The following RPS6KA1 variants were observed in gnomAD, a reference collection of about 807,000 sequenced individuals.
The protein encoded by RPS6KA1 is ribosomal protein S6 kinase alpha-1.
In RPS6KA1, 48 loss-of-function variants were observed where a neutral mutation model predicts 91.3. That is an observed-to-expected ratio of 0.53 (90% CI 0.42 to 0.67). The LOEUF (loss-of-function observed/expected upper bound fraction) is 0.67, where lower values mean the gene tolerates loss of function less well. Ranked by LOEUF, RPS6KA1 falls within the 30% of genes least tolerant of loss-of-function variation. The pLI is 0.00. For synonymous variants in RPS6KA1, 359 were observed against 384.7 expected (o/e 0.93, Z 0.78); for missense variants, 719 against 960.5 (o/e 0.75, Z 3.32).
At chr1:26,562,072 G>T (rs9971001) in intron 17 of RPS6KA1, among the ~76,000 whole-genome samples, 1 of 151,786 alleles carries the variant, frequency 6.6e-6, no homozygotes, top group African/African-American at 2.4e-5. Flanking sequence ...GGTGTGGTGG[G>T]GGGCATCTGT....
chr1:26,539,112 T>C (rs2075927720), intron 2 of RPS6KA1, among the ~76,000 whole-genome samples: 1 of 152,178 alleles, frequency 6.6e-6, no homozygotes, highest in African/African-American at 2.4e-5. Context: ...TGTGGGCACA[T>C]AGAACCTCTG....
chr1:26,544,139 T>G (rs1475335292), intron 2 of RPS6KA1: 1 of 456,376 alleles, frequency 2.2e-6, no homozygotes, highest in Admixed American at 2.3e-5. Flanking sequence ...CCCTGCTGCC[T>G]GCCCGTGTGT....
intron 14 of RPS6KA1, among the ~76,000 whole-genome samples, chr1:26,559,622 C>T (rs529283951): frequency 4.6e-5 from 7 of 151,504 alleles, no homozygotes; most frequent in African/African-American, 7.3e-5. Flanking sequence ...TCAAGTGATC[C>T]GCCCACCTCA....
At position 26,542,307 on chromosome 1, in the gene RPS6KA1, G is replaced by A. The variant is rs930586233; in HGVS notation, c.109-4560G>A. On this transcript the variant is annotated intron_variant, in intron 2 of 21. Transcript: ENST00000374168. ...CTGGAGAGCAATGAGAGGCTTGGCT[G>A]AGGGAGGCATCTTTCACAATCTCCC... Among the ~76,000 whole-genome samples, 116 of 152,370 alleles carry A rather than the reference G, an allele frequency of 7.6e-4. 1 individual carries two copies. The highest frequency in any genetic ancestry group is 2.7e-3 in the African/African-American group (111 of 41,582).
intron 17 of RPS6KA1, among the ~76,000 whole-genome samples, chr1:26,566,879 T>C (rs2076207298): frequency 6.6e-6 from 1 of 152,204 alleles, no homozygotes; most frequent in Non-Finnish European, 1.5e-5. Context: ...ACTTCGCCTC[T>C]TTTTTGGCTG....
Position 26,554,225 on chromosome 1 carries a change from A to T in RPS6KA1, c.587A>T (p.Asp196Val). The change falls in exon 8 of 22, where the codon GAT (aspartate) becomes GTT (valine). Residue 196 changes from aspartate (D) to valine (V), a missense_variant. Transcript: ENST00000374168. This position sits in a 1 kb window ranked among gnomAD's most constrained non-coding sequence, Gnocchi z 4.6. ...TTTCTCTATTACAGCATCCTTCTGG[A>T]TGAGGAGGGCCACATCAAACTCACT... ...RDLKPENILL[D>V]EEGHIKLTDF... 6.4e-7 allele frequency: 1 copy of T among 1,556,022 alleles called. No homozygotes were observed. The highest frequency in any genetic ancestry group is 1.4e-5 in the African/African-American group (1 of 73,438).
chr1:26,548,393 A>G (rs1309023072), intron 4 of RPS6KA1, among the ~76,000 whole-genome samples: 2 of 152,084 alleles, frequency 1.3e-5, no homozygotes, highest in East Asian at 3.8e-4. Flanking sequence ...ACACCTAAGG[A>G]GCGGGAAGCC....
Position 26,545,177 on chromosome 1 carries a change from TC to T in RPS6KA1, c.109-1689del, listed in dbSNP as rs201690235. On this transcript the variant is annotated intron_variant, in intron 2 of 21. Coordinates refer to ENST00000374168, the MANE Select transcript of RPS6KA1 (RefSeq NM_002953.4). ...GGATGCCATTCTTTCTTTTTCTTTT[TC>T]TTTTTTTTTGAGATGGAGTCTTGCT... Among the ~76,000 whole-genome samples, 431 of 147,576 alleles carry T rather than the reference TC, an allele frequency of 2.9e-3. 13 individuals carry two copies. Among genetic ancestry groups the T allele is most frequent in the African/African-American group, 3.9e-3 (158 of 40,316 alleles).
rs748764001 is a variant in RPS6KA1, at chr1:26,562,825, C to CTTTTTTTTTTTTTTTTTTTTT, written c.1590+1169_1590+1189dup. 1.7e-4 allele frequency among the ~76,000 whole-genome samples: 14 copies of CTTTTTTTTTTTTTTTTTTTTT among 81,432 alleles called. 2 individuals are homozygous for CTTTTTTTTTTTTTTTTTTTTT. Among genetic ancestry groups the CTTTTTTTTTTTTTTTTTTTTT allele is most frequent in the African/African-American group, 7.1e-4 (14 of 19,714 alleles). 53.4% of individuals were successfully genotyped at this position (81,432 alleles called of 152,430 possible). On this transcript the variant is annotated intron_variant, in intron 17 of 21. Transcript: ENST00000374168. ...ATAGACACATTTTTCTCCTATTGTC[C>CTTTTTTTTTTTTTTTTTTTTT]TTTTTTTTTTTTTTTTTTTTTTTTT...
rs1343419955 is a variant in RPS6KA1 at position 26,571,200 on chromosome 1, T to C, written c.1591-249T>C. ...CCACAAGGTAAGATTATGTGATGAG[T>C]AGGTTTTAGGGGAGAATTGAGAGTT... On this transcript the variant is annotated intron_variant, in intron 17 of 21. Transcript: ENST00000374168. The surrounding 1 kb of genome is among the most constrained non-coding windows in gnomAD (Gnocchi z 5.1). The C allele has an allele frequency of 1.7e-5, 8 of 480,188 alleles. No individual in the cohort carries two copies. In the East Asian group the frequency reaches 2.4e-4, roughly 15 times the overall value. 29.7% of individuals were successfully genotyped at this position (480,188 alleles called of 1,614,324 possible).
intron 17 of RPS6KA1, among the ~76,000 whole-genome samples, chr1:26,563,881 G>A (rs1443751560): frequency 6.6e-6 from 1 of 152,112 alleles, no homozygotes; most frequent in Non-Finnish European, 1.5e-5. Context: ...CCAGCACTTT[G>A]GGAAGCCAAG....
chr1:26,550,177 C>A (rs1158035035), intron 4 of RPS6KA1, among the ~76,000 whole-genome samples: 1 of 134,818 alleles, frequency 7.4e-6, no homozygotes, highest in Non-Finnish European at 1.6e-5. Context: ...CCACGCCTGG[C>A]CAATTTTTTT....
At chr1:26,535,091 T>A (rs542464515) in intron 1 of RPS6KA1, among the ~76,000 whole-genome samples, 1 of 152,074 alleles carries the variant, frequency 6.6e-6, no homozygotes, top group East Asian at 1.9e-4. Context: ...TCTAGAATGC[T>A]GGGTGAAGTG....
At chr1:26,556,837 C>A in intron 12 of RPS6KA1, 119 bp downstream of exon 12, 1 of 1,311,086 alleles carries the variant, frequency 7.6e-7, no homozygotes. Flanking sequence ...CAGAGGGTCA[C>A]AGCCTGCCCT....
chr1:26,535,649 C>T (rs2075900785), intron 1 of RPS6KA1, among the ~76,000 whole-genome samples: 1 of 152,112 alleles, frequency 6.6e-6, no homozygotes, highest in Non-Finnish European at 1.5e-5. Flanking sequence ...CTGGAAAAGG[C>T]AAGACTGACC....
chr1:26,535,966 C>T (rs560611262), intron 1 of RPS6KA1, among the ~76,000 whole-genome samples: 6 of 151,978 alleles, frequency 3.9e-5, no homozygotes, highest in South Asian at 4.2e-4. Flanking sequence ...GCCTGGCCAA[C>T]GTGGTGAAAC....
chr1:26,535,086 A>C (rs2075896743), intron 1 of RPS6KA1, among the ~76,000 whole-genome samples: 1 of 151,896 alleles, frequency 6.6e-6, no homozygotes, highest in African/African-American at 2.4e-5. Context: ...AAGAGTCTAG[A>C]ATGCTGGGTG....
chr1:26,573,239 A>C lies in RPS6KA1; in HGVS notation c.1963A>C (p.Met655Leu). 6.2e-7 allele frequency: 1 copy of C among 1,614,060 alleles called. No individual in the cohort carries two copies. Residue 655 changes from methionine (M) to leucine (L), a missense_variant, in exon 21 of 22, where the codon ATG (methionine) becomes CTG (leucine). Physicochemically the swap from Met to Leu is conservative, Grantham distance 15. Around this residue, in one of 5 missense-constraint regions of RPS6KA1, gnomAD observed 249 missense variants for 323.1 expected, o/e 0.77. Transcript: ENST00000374168. ...SETAKDLVSK[M>L]LHVDPHQRLT... ...GTGTCCCCAGGACCTGGTGTCCAAGATGCTACACGTGGATCCCCACCAGCG... is the reference window on the plus strand; with the variant it reads ...GTGTCCCCAGGACCTGGTGTCCAAGCTGCTACACGTGGATCCCCACCAGCG...
rs1278923710 is a variant in RPS6KA1 at position 26,571,998 on chromosome 1, T to C, written c.1829+73T>C. 28 of 1,490,272 alleles carry C rather than the reference T, an allele frequency of 1.9e-5. No homozygotes were observed. Among genetic ancestry groups the C allele is most frequent in the African/African-American group, 2.8e-5 (2 of 72,380 alleles). 92.3% of individuals were successfully genotyped at this position (1,490,272 alleles called of 1,614,324 possible). On this transcript the variant is annotated intron_variant, in intron 19 of 21. Transcript: ENST00000374168. The surrounding 1 kb of genome is among the most constrained non-coding windows in gnomAD (Gnocchi z 5.1). ...CTTGGGCTGAGTGGTGCTTGTCTGA[T>C]AGGAATGGCTCAGCCAGCCCCGCCC...
Sources: allele counts gnomAD v4.1 joint callset (sites outside exome capture counted in the v4.1 genomes callset), GRCh38; gene constraint gnomAD v4.1.1; regional missense constraint gnomAD v4.1.1; non-coding constraint Gnocchi (gnomAD v3.1); transcripts MANE v1.5; gene names NCBI Gene and HGNC (gene_info 2026-07-23, HGNC 2026-07-21).